Variants in CALN1 observed in about 807,000 individuals in gnomAD.
The protein encoded by CALN1 is calcium-binding protein 8.
In CALN1, 17 loss-of-function variants were observed where a neutral mutation model predicts 30.6. That is an observed-to-expected ratio of 0.56 (90% confidence interval 0.38 to 0.83). The LOEUF is 0.83. Ranked by LOEUF, CALN1 falls within the 40% of genes least tolerant of loss-of-function variation. The pLI, the probability that CALN1 is intolerant of heterozygous loss-of-function variation, is 0.00. For synonymous variants in CALN1, 156 were observed against 131.4 expected, an observed-to-expected ratio of 1.19 and a Z score of -1.28; for missense variants, 291 against 354.9, an observed-to-expected ratio of 0.82 and a Z score of 1.45.
intron 4 of CALN1, among the ~76,000 whole-genome samples, chr7:72,029,601 G>A (rs844686): frequency 0.28 from 43,277 of 152,072 alleles, 9,598 homozygotes; most frequent in African/African-American, 0.62. Flanking sequence ...CAACCTCCAG[G>A]GAGGAAAGAG....
At chr7:72,111,007 C>A in intron 3 of CALN1, among the ~76,000 whole-genome samples, 1 of 152,152 alleles carries the variant, frequency 6.6e-6, no homozygotes. Flanking sequence ...CAAGAACAGG[C>A]AGTAATGTTG....
chr7:71,938,119 A>T (rs1795942035), intron 5 of CALN1, among the ~76,000 whole-genome samples: 2 of 152,228 alleles, frequency 1.3e-5, no homozygotes, highest in South Asian at 4.1e-4. Context: ...GCACAGAGAT[A>T]ATCAGGAAAT....
In CALN1 at chr7:72,368,205, GTA is replaced by G. The variant is rs571692397; in HGVS notation, c.119+35044_119+35045del. 7.6e-4 allele frequency among the ~76,000 whole-genome samples: 115 copies of G among 150,908 alleles called. 1 individual carries two copies. The highest frequency in any genetic ancestry group is 2.7e-3 in the African/African-American group (111 of 41,026). On this transcript the variant is annotated intron_variant, in intron 2 of 6. Transcript: ENST00000395275. ...TGTATCTGTATATATATATGTGTGT[GTA>G]TATATATCTATGTGCGTGATATATA... is the stretch of plus-strand genomic sequence containing the variant.
chr7:71,827,778 ATAAATAAAT>A (rs1191004952), intron 5 of CALN1, among the ~76,000 whole-genome samples: 134 of 89,918 alleles, frequency 1.5e-3, no homozygotes, highest in African/African-American at 4.7e-3. Context: ...TCTTAAAAAA[ATAAATAAAT>A]AAATAAATAA....
the CALN1 span, among the ~76,000 whole-genome samples, chr7:72,468,196 T>C: frequency 2.0e-5 from 3 of 152,234 alleles, no homozygotes; most frequent in African/African-American, 7.2e-5. Flanking sequence ...TGAATAGTAC[T>C]GCTACAAATG....
chr7:72,452,111 C>T (rs546240861), upstream of CALN1, among the ~76,000 whole-genome samples: 8 of 152,208 alleles, frequency 5.3e-5, no homozygotes, highest in Admixed American at 2.0e-4. Flanking sequence ...TAATATTCTG[C>T]TTGTTGTCTG....
intron 5 of CALN1, among the ~76,000 whole-genome samples, chr7:71,857,022 G>A (rs866838094): frequency 6.9e-4 from 74 of 106,816 alleles, no homozygotes; most frequent in African/African-American, 4.5e-3. Flanking sequence ...ATGTATGTGT[G>A]TGTGTGTGTG....
intron 4 of CALN1, among the ~76,000 whole-genome samples, chr7:72,044,365 C>T (rs540786390): frequency 6.8e-6 from 1 of 147,230 alleles, no homozygotes; most frequent in Non-Finnish European, 1.5e-5. Flanking sequence ...CACCTCACCC[C>T]TGTCTTCTTT....
At chr7:71,889,990 T>C (rs1793146247) in intron 5 of CALN1, among the ~76,000 whole-genome samples, 1 of 150,436 alleles carries the variant, frequency 6.6e-6, no homozygotes, top group Admixed American at 6.6e-5. Context: ...AAAGAATTGG[T>C]CACTTTAGAG....
At chr7:72,136,052 T>C (rs1021085328) in intron 3 of CALN1, among the ~76,000 whole-genome samples, 1 of 151,884 alleles carries the variant, frequency 6.6e-6, no homozygotes, top group African/African-American at 2.4e-5. Flanking sequence ...GAGAATTGCT[T>C]GAATCCAGGA....
chr7:72,067,149 G>C (rs906916351), intron 4 of CALN1, among the ~76,000 whole-genome samples: 2 of 152,150 alleles, frequency 1.3e-5, no homozygotes, highest in Non-Finnish European at 2.9e-5. Flanking sequence ...CAAAGGAAAG[G>C]CTTCTTCCAT....
intron 5 of CALN1, among the ~76,000 whole-genome samples, chr7:71,994,622 ACAC>A (rs1053634781): frequency 2.6e-5 from 4 of 152,168 alleles, no homozygotes; most frequent in African/African-American, 9.6e-5. Flanking sequence ...GGATACCAAC[ACAC>A]CAGAGTGAGG....
intron 3 of CALN1, among the ~76,000 whole-genome samples, chr7:72,170,595 C>T (rs1333821816): frequency 1.3e-5 from 2 of 152,310 alleles, no homozygotes; most frequent in African/African-American, 4.8e-5. Flanking sequence ...CAGAGAACAT[C>T]AGGCACGCAC....
rs181090373 is a variant in CALN1, at chr7:71,911,234, C to T, written c.502-100742G>A. On this transcript the variant is annotated intron_variant, in intron 5 of 6. Coordinates refer to ENST00000395275, the MANE Select transcript of CALN1 (RefSeq NM_031468.4). Reference sequence around the variant, plus strand: ...GCCCCACACTTTGACAAATAACCTGCCAAGTCTCCACATTTGCTGAGAATC... The same window carrying T: ...GCCCCACACTTTGACAAATAACCTGTCAAGTCTCCACATTTGCTGAGAATC... Among the ~76,000 whole-genome samples the T allele has an allele frequency of 2.7e-3, 413 of 152,310 alleles. 2 individuals are homozygous for T. Among genetic ancestry groups the T allele is most frequent in the African/African-American group, 9.2e-3 (383 of 41,576 alleles).
intron 5 of CALN1, among the ~76,000 whole-genome samples, chr7:71,845,131 G>A (rs568175188): frequency 3.3e-5 from 5 of 152,194 alleles, no homozygotes; most frequent in African/African-American, 9.6e-5. Flanking sequence ...CGATCCTCCT[G>A]CCTCGGCCTC....
intron 3 of CALN1, among the ~76,000 whole-genome samples, chr7:72,154,760 G>A (rs73130009): frequency 0.18 from 27,322 of 152,144 alleles, 2,660 homozygotes; most frequent in East Asian, 0.29. Context: ...AAGAGGAAGA[G>A]AGCCAGGCCC....
At chr7:72,397,666 G>GA (rs1306690118) in intron 2 of CALN1, among the ~76,000 whole-genome samples, 3 of 149,762 alleles carry the variant, frequency 2.0e-5, no homozygotes, top group Non-Finnish European at 4.4e-5. Context: ...TTCAAGTGAA[G>GA]GATCTCACTG....
At chr7:72,030,295 A>G (rs1801354243) in intron 4 of CALN1, among the ~76,000 whole-genome samples, 1 of 152,296 alleles carries the variant, frequency 6.6e-6, no homozygotes, top group East Asian at 1.9e-4. Context: ...TAGGTCCCCC[A>G]TATCTCCAGC....
chr7:72,408,450 A>T (rs1806855542), intron 1 of CALN1, among the ~76,000 whole-genome samples: 1 of 151,884 alleles, frequency 6.6e-6, no homozygotes, highest in African/African-American at 2.4e-5. Context: ...GAAAAAAATT[A>T]AACACACACA....
Sources: gnomAD v4.1 joint callset for allele counts (sites outside exome capture counted in the v4.1 genomes callset) on GRCh38, gnomAD v4.1.1 for gene constraint, MANE v1.5 for transcripts, NCBI Gene and HGNC (gene_info 2026-07-23, HGNC 2026-07-21) for gene names.